The following MTCL1 variants were observed in gnomAD, a reference collection of about 807,000 sequenced individuals.
MTCL1 encodes microtubule cross-linking factor 1.
In MTCL1, 79 loss-of-function variants were observed where a neutral mutation model predicts 141.4. The ratio of observed to expected loss-of-function variants is 0.56; its 90% CI spans 0.47 to 0.67. The LOEUF (loss-of-function observed/expected upper bound fraction) is 0.67, where lower values mean the gene tolerates loss of function less well. Ranked by LOEUF, MTCL1 falls within the 30% of genes least tolerant of loss-of-function variation. The probability of loss-of-function intolerance (pLI) is 0.00; values close to 1 mark genes in which losing one functional copy is unlikely to be tolerated. For missense variants in MTCL1, 2,177 were observed against 2,113.9 expected (o/e 1.03, Z -0.59); for synonymous variants, 914 against 875.8 (o/e 1.04, Z -0.77).
At chr18:8,796,738 G>A (rs1263520912) in intron 9 of MTCL1, among the ~76,000 whole-genome samples, 1 of 152,162 alleles carries the variant, frequency 6.6e-6, no homozygotes, top group Admixed American at 6.5e-5. Flanking sequence ...GGTATGCAGT[G>A]CTAGGCATAA....
rs537126552 is a variant in MTCL1, at chr18:8,768,331, CTTT to C, written c.358-9498_358-9496del. Among the ~76,000 whole-genome samples, 222 of 152,260 alleles carry C rather than the reference CTTT, an allele frequency of 1.5e-3. 1 individual carries two copies. Among genetic ancestry groups the C allele is most frequent in the African/African-American group, 5.2e-3 (217 of 41,554 alleles). ...ACTAGAGCTAAATTTTTGTTTATAT[CTTT>C]TTTGAGTAAACTCGTGGACAGAAAT... is the stretch of plus-strand genomic sequence containing the variant. On this transcript the variant is annotated intron_variant, in intron 4 of 16. Coordinates refer to ENST00000359865, the Ensembl canonical transcript of MTCL1.
At chr18:8,737,934 C>T (rs973229502) in intron 4 of MTCL1, among the ~76,000 whole-genome samples, 2 of 152,176 alleles carry the variant, frequency 1.3e-5, no homozygotes, top group Non-Finnish European at 2.9e-5. Flanking sequence ...TTTAGGCAGC[C>T]ATCATGTCAG....
intron 4 of MTCL1, among the ~76,000 whole-genome samples, chr18:8,751,866 G>A (rs769001116): frequency 3.3e-5 from 5 of 152,210 alleles, no homozygotes; most frequent in Non-Finnish European, 5.9e-5. Flanking sequence ...ACCTGCACAC[G>A]AGGTGTTGAA....
chr18:8,773,138 AT>A (rs1482150814), intron 4 of MTCL1, among the ~76,000 whole-genome samples: 1 of 152,164 alleles, frequency 6.6e-6, no homozygotes, highest in Non-Finnish European at 1.5e-5. Flanking sequence ...GAGTATTCTC[AT>A]TTATAAATCT....
intron 15 of MTCL1, among the ~76,000 whole-genome samples, chr18:8,827,290 C>G (rs2077056784): frequency 6.6e-6 from 1 of 152,248 alleles, no homozygotes; most frequent in Non-Finnish European, 1.5e-5. Context: ...CCTGTTTCAC[C>G]TGGCCCACGT....
chr18:8,819,966 A>G (rs532396129), intron 13 of MTCL1, among the ~76,000 whole-genome samples: 2 of 152,104 alleles, frequency 1.3e-5, no homozygotes, highest in Non-Finnish European at 2.9e-5. Flanking sequence ...CTAATAACCA[A>G]AAATATTCTG....
intron 7 of MTCL1, chr18:8,786,590 C>T: frequency 2.9e-6 from 1 of 349,984 alleles, no homozygotes; most frequent in Non-Finnish European, 5.6e-6. Context: ...TGTGGGCACC[C>T]CTAGCAGTGT....
chr18:8,786,410 C>G (rs971189257), intron 7 of MTCL1: 1 of 561,590 alleles, frequency 1.8e-6, no homozygotes, highest in Non-Finnish European at 3.4e-6. Flanking sequence ...CTTGTCCAGT[C>G]GCAGAGAAAG....
At chr18:8,737,200 C>G (rs1442151229) in intron 4 of MTCL1, among the ~76,000 whole-genome samples, 1 of 152,222 alleles carries the variant, frequency 6.6e-6, no homozygotes. Flanking sequence ...TCACTCTTCA[C>G]TTTCATCTTC....
Position 8,730,587 on chromosome 18 carries a change from T to C in MTCL1, c.357+10091T>C, listed in dbSNP as rs1414789791. Among the ~76,000 whole-genome samples the C allele has an allele frequency of 3.3e-5, 5 of 152,362 alleles. No individual in the cohort carries two copies. The East Asian group carries it at 7.7e-4, about 23-fold the overall frequency. On this transcript the variant is annotated intron_variant, in intron 4 of 16. Transcript: ENST00000359865. ...AAGCCGCTTCTGTTCATCAACTTCC[T>C]GAACGTCAGCCAGGCTCCTCGCTGG...
intron 4 of MTCL1, among the ~76,000 whole-genome samples, chr18:8,763,520 G>C (rs566510606): frequency 6.6e-6 from 1 of 152,236 alleles, no homozygotes; most frequent in African/African-American, 2.4e-5. Context: ...TCTTATCAGC[G>C]TCTCAATTTC....
chr18:8,825,581 C>T (rs755957124), exon 15 of MTCL1: 22 of 1,613,368 alleles, frequency 1.4e-5, no homozygotes, highest in Middle Eastern at 1.6e-4. Flanking sequence ...GTGCTACACC[C>T]GTGTCGTCTC....
intron 7 of MTCL1, among the ~76,000 whole-genome samples, chr18:8,788,944 G>T (rs1216324777): frequency 6.6e-6 from 1 of 152,208 alleles, no homozygotes. Flanking sequence ...CACTCCCTGG[G>T]GTTCCCATCA....
intron 1 of MTCL1, among the ~76,000 whole-genome samples, chr18:8,710,887 A>ATT (rs1491465470): frequency 4.4e-4 from 9 of 20,614 alleles, no homozygotes; most frequent in South Asian, 2.8e-3. Flanking sequence ...TTTTTTTTTT[A>ATT]CTTTTTTTTT....
At chr18:8,809,451 T>G in intron 11 of MTCL1, 1 of 1,535,190 alleles carries the variant, frequency 6.5e-7, no homozygotes, top group Non-Finnish European at 8.7e-7. Flanking sequence ...CCGTTAGAAT[T>G]GTTGTGGATA....
Position 8,783,380 on chromosome 18 carries a change from C to T in MTCL1, c.418-150C>T. On this transcript the variant is annotated intron_variant, in intron 5 of 16. Transcript: ENST00000359865. ...TGGGCCCACCTCTGCTTTGTCTTGG[C>T]TGTTTCTCTATGTAACTCAGCGGCA... The T allele has an allele frequency of 4.0e-6, 3 of 748,872 alleles. No individual in the cohort carries two copies. The East Asian group carries it at 8.3e-5, about 21-fold the overall frequency. 46.4% of individuals were successfully genotyped at this position (748,872 alleles called of 1,614,324 possible).
chr18:8,734,667 G>A (rs142413363), intron 4 of MTCL1, among the ~76,000 whole-genome samples: 109 of 152,306 alleles, frequency 7.2e-4, no homozygotes, highest in Non-Finnish European at 1.3e-3. Context: ...GGTTTCTTGT[G>A]CCGTCACTTT....
At chr18:8,798,060 G>A in intron 9 of MTCL1, 37 bp from the exon 9 acceptor site, 1 of 1,540,784 alleles carries the variant, frequency 6.5e-7, no homozygotes, top group Non-Finnish European at 8.7e-7. Flanking sequence ...AAAAGAATTT[G>A]GCTGAAGCTG....
chr18:8,708,463 A>G (rs2096069602), intron 1 of MTCL1, among the ~76,000 whole-genome samples: 1 of 152,148 alleles, frequency 6.6e-6, no homozygotes, highest in African/African-American at 2.4e-5. Context: ...TGGTGGTATC[A>G]TGATCATAAC....
Sources: gnomAD v4.1 joint callset for allele counts (sites outside exome capture counted in the v4.1 genomes callset) on GRCh38, gnomAD v4.1.1 for gene constraint, MANE v1.5 for transcripts, NCBI Gene and HGNC (gene_info 2026-07-23, HGNC 2026-07-21) for gene names.